Variants in TOGARAM1 observed in about 807,000 individuals in gnomAD.
The protein encoded by TOGARAM1 is TOG array regulator of axonemal microtubules protein 1.
In TOGARAM1, 100 loss-of-function variants were observed where a neutral mutation model predicts 166.6. The ratio of observed to expected loss-of-function variants is 0.60; its 90% confidence interval spans 0.51 to 0.71. The LOEUF (loss-of-function observed/expected upper bound fraction) is 0.71. TOGARAM1 is among the 30% of genes least tolerant of loss of function. The pLI, the probability that TOGARAM1 is intolerant of heterozygous loss-of-function variation, is 0.00. For synonymous variants in TOGARAM1, 758 were observed against 763.8 expected (o/e 0.99, Z 0.13); for missense variants, 2,029 against 2,102.7 (o/e 0.96, Z 0.69).
chr14:44,985,292 C>T (rs557660796), intron 1 of TOGARAM1, among the ~76,000 whole-genome samples: 3 of 152,130 alleles, frequency 2.0e-5, no homozygotes, highest in African/African-American at 4.8e-5. Flanking sequence ...GATTAACAGG[C>T]GTGAGCCATT....
intron 13 of TOGARAM1, among the ~76,000 whole-genome samples, chr14:45,046,130 A>G (rs1882054803): frequency 6.8e-6 from 1 of 148,080 alleles, no homozygotes. Context: ...CTGTTAAATC[A>G]TTTAACTTTA....
chr14:45,018,062 G>A (rs1045994217), intron 7 of TOGARAM1, among the ~76,000 whole-genome samples: 1 of 152,058 alleles, frequency 6.6e-6, no homozygotes, highest in Non-Finnish European at 1.5e-5. Flanking sequence ...TAAATGTTAG[G>A]TTGGTGCAAA....
intron 11 of TOGARAM1, among the ~76,000 whole-genome samples, chr14:45,041,964 A>C (rs1168963159): frequency 6.6e-6 from 1 of 152,168 alleles, no homozygotes; most frequent in African/African-American, 2.4e-5. Context: ...AGTTTCACCC[A>C]AGCTAGTCTT....
intron 10 of TOGARAM1, among the ~76,000 whole-genome samples, 165 bp downstream of exon 10, chr14:45,028,494 C>A (rs1312878684): frequency 1.3e-5 from 2 of 152,054 alleles, no homozygotes; most frequent in African/African-American, 4.8e-5. Flanking sequence ...GGAAGCAGCC[C>A]TCAGTTTTCT....
chr14:45,055,379 G>T (rs1594697793), intron 16 of TOGARAM1, among the ~76,000 whole-genome samples: 1 of 152,220 alleles, frequency 6.6e-6, no homozygotes, highest in East Asian at 1.9e-4. Flanking sequence ...TTATTTCTGG[G>T]TTCTCTATTC....
chr14:45,048,661 A>T (rs1459713998), intron 14 of TOGARAM1, among the ~76,000 whole-genome samples: 1 of 152,006 alleles, frequency 6.6e-6, no homozygotes, highest in Non-Finnish European at 1.5e-5. Context: ...GGGCTTTGCC[A>T]AATTCAATTC....
chr14:45,043,419 A>G (rs1225919889), intron 11 of TOGARAM1, among the ~76,000 whole-genome samples: 2 of 151,844 alleles, frequency 1.3e-5, no homozygotes, highest in South Asian at 2.1e-4. Flanking sequence ...CTCTTGATCC[A>G]CCTGCCTCGG....
At chr14:45,026,273 A>G (rs539484138) in intron 8 of TOGARAM1, among the ~76,000 whole-genome samples, 1 of 152,304 alleles carries the variant, frequency 6.6e-6, no homozygotes, top group East Asian at 1.9e-4. Flanking sequence ...CTCCTGTTAT[A>G]TATTTTAAGG....
In TOGARAM1 at chr14:44,963,143, T is replaced by G. The variant is rs764100355; in HGVS notation, c.722T>G (p.Leu241Trp). Residue 241 changes from leucine (L) to tryptophan (W), a missense_variant, in exon 1 of 20, where the codon TTG becomes TGG. Around this residue, in one of 2 missense-constraint regions of TOGARAM1, gnomAD observed 1,453 missense variants for 1,432.2 expected, o/e 1.01. Coordinates refer to ENST00000361462, the MANE Select transcript of TOGARAM1 (RefSeq NM_001308120.2). ...RASTALLLPI[L>W]LTTEDLLLGL... ...TCCACAGCACTACTGCTTCCCATCT[T>G]GCTTACTACTGAGGACTTGTTGCTT... 1.9e-6 allele frequency: 3 copies of G among 1,614,076 alleles called. No individual in the cohort carries two copies. The highest frequency in any genetic ancestry group is 1.7e-5 in the Admixed American group (1 of 59,998).
intron 14 of TOGARAM1, among the ~76,000 whole-genome samples, chr14:45,047,391 C>CA (rs534465853): frequency 0.061 from 5,237 of 85,198 alleles, 338 homozygotes; most frequent in African/African-American, 0.21. Context: ...GACTCTGTCT[C>CA]AAAAAAAAAA....
intron 1 of TOGARAM1, among the ~76,000 whole-genome samples, chr14:44,975,920 A>T (rs560999749): frequency 6.6e-5 from 10 of 151,938 alleles, no homozygotes; most frequent in Admixed American, 6.6e-4. Flanking sequence ...TGAGAGTGCC[A>T]TGATTTATAA....
intron 2 of TOGARAM1, 142 bp from the exon 3 acceptor site, chr14:44,999,221 C>G (rs1887574887): frequency 2.8e-6 from 2 of 711,164 alleles, no homozygotes; most frequent in Admixed American, 7.3e-5. Context: ...AGCTGTATCC[C>G]TTTCTTGCCT....
At chr14:45,055,152 T>C (rs1882568959) in intron 16 of TOGARAM1, among the ~76,000 whole-genome samples, 1 of 152,198 alleles carries the variant, frequency 6.6e-6, no homozygotes, top group African/African-American at 2.4e-5. Context: ...TCCAGAAGAG[T>C]ACTGCCTAGA....
intron 7 of TOGARAM1, chr14:45,023,048 A>G (rs1357399954): frequency 2.0e-5 from 3 of 152,120 alleles, no homozygotes; most frequent in African/African-American, 7.2e-5. Context: ...ACTGAGGGCT[A>G]TTAGTTCTGC....
chr14:45,052,873 C>T (rs1287282348), intron 15 of TOGARAM1, among the ~76,000 whole-genome samples: 1 of 152,068 alleles, frequency 6.6e-6, no homozygotes, highest in Non-Finnish European at 1.5e-5. Context: ...TTACACATGC[C>T]TCTTCATTTC....
chr14:44,986,898 C>A (rs1399359199), intron 1 of TOGARAM1, among the ~76,000 whole-genome samples: 2 of 149,584 alleles, frequency 1.3e-5, no homozygotes, highest in East Asian at 2.0e-4. Context: ...CCTAGCTCCT[C>A]GGGAGGCTGA....
At chr14:45,063,525 C>T (rs1883000121) in intron 16 of TOGARAM1, among the ~76,000 whole-genome samples, 1 of 142,554 alleles carries the variant, frequency 7.0e-6, no homozygotes, top group African/African-American at 2.8e-5. Context: ...CGCACTGTCG[C>T]CCAAGGTGGA....
In TOGARAM1 at chr14:45,049,078, A is replaced by C. The variant is rs976031140; in HGVS notation, c.4313+2375A>C. On this transcript the variant is annotated intron_variant, in intron 14 of 19. Coordinates refer to ENST00000361462, the MANE Select transcript of TOGARAM1 (RefSeq NM_001308120.2). ...TTCTCAAAAAAAAAAAAAAAAAAAA[A>C]AAAAAAAAGACTGAGGTCTGCATTT... Among the ~76,000 whole-genome samples, 265 of 150,592 alleles carry C rather than the reference A, an allele frequency of 1.8e-3. 2 individuals carry two copies. The highest frequency in any genetic ancestry group is 6.1e-3 in the African/African-American group (249 of 40,926).
intron 2 of TOGARAM1, among the ~76,000 whole-genome samples, chr14:44,998,437 G>C (rs1887536411): frequency 6.6e-6 from 1 of 152,216 alleles, no homozygotes; most frequent in Non-Finnish European, 1.5e-5. Flanking sequence ...GGGAGAGGCT[G>C]GGCGCTGTGG....
Sources: gnomAD v4.1 joint callset for allele counts (sites outside exome capture counted in the v4.1 genomes callset) on GRCh38, gnomAD v4.1.1 for gene constraint, gnomAD v4.1.1 regional missense constraint, MANE v1.5 for transcripts, NCBI Gene and HGNC (gene_info 2026-07-23, HGNC 2026-07-21) for gene names.